CLSTN2: variants seen among roughly 807,000 people sequenced by gnomAD.
The protein encoded by CLSTN2 is calsyntenin-2.
In CLSTN2, 48 loss-of-function variants were observed where a neutral mutation model predicts 101.2. That is an observed-to-expected ratio of 0.47 (90% CI 0.38 to 0.60). The LOEUF is 0.60. Among genes scored for constraint, CLSTN2 ranks in the 20% least tolerant of loss-of-function variants. CLSTN2 has a pLI of 0.00. For missense variants in CLSTN2, 1,160 were observed against 1,238.2 expected, an observed-to-expected ratio of 0.94 and a Z score of 0.95; for synonymous variants, 481 against 463.6, an observed-to-expected ratio of 1.04 and a Z score of -0.48.
intron 9 of CLSTN2, among the ~76,000 whole-genome samples, chr3:140,537,355 T>C (rs1263021663): frequency 6.6e-6 from 1 of 152,170 alleles, no homozygotes; most frequent in Admixed American, 6.5e-5. Context: ...ACACTGAGAC[T>C]TCATTTCCAT....
At chr3:139,936,476 G>A (rs548530082) in intron 1 of CLSTN2, among the ~76,000 whole-genome samples, 1 of 152,302 alleles carries the variant, frequency 6.6e-6, no homozygotes, top group East Asian at 1.9e-4. Context: ...TTGGTTTGTG[G>A]ACTGTGGCCA....
chr3:140,274,451 A>G (rs1043126284), intron 2 of CLSTN2, among the ~76,000 whole-genome samples: 3 of 152,168 alleles, frequency 2.0e-5, no homozygotes, highest in Admixed American at 1.3e-4. Context: ...GCCCCGTTTT[A>G]TTTTGTAAAG....
intron 1 of CLSTN2, among the ~76,000 whole-genome samples, chr3:139,956,465 GAGA>G (rs1205488361): frequency 6.6e-6 from 1 of 152,146 alleles, no homozygotes; most frequent in Non-Finnish European, 1.5e-5. Context: ...TGGGTCGATG[GAGA>G]ACAGAGAAGG....
At chr3:140,560,611 G>A (rs909126819) in intron 12 of CLSTN2, among the ~76,000 whole-genome samples, 1 of 152,100 alleles carries the variant, frequency 6.6e-6, no homozygotes, top group Non-Finnish European at 1.5e-5. Flanking sequence ...ATCCATGGCC[G>A]ATTTGCCTCT....
intron 1 of CLSTN2, among the ~76,000 whole-genome samples, chr3:140,144,329 C>T (rs181724862): frequency 3.5e-3 from 535 of 152,200 alleles, no homozygotes; most frequent in Non-Finnish European, 5.5e-3. Context: ...TAAAATGGGC[C>T]GGGTGTGGTG....
chr3:140,405,481 C>A (rs1043852233), intron 4 of CLSTN2, among the ~76,000 whole-genome samples: 2 of 152,194 alleles, frequency 1.3e-5, no homozygotes, highest in African/African-American at 4.8e-5. Flanking sequence ...CCCACCTCGG[C>A]CTCCCAAAGT....
intron 1 of CLSTN2, among the ~76,000 whole-genome samples, chr3:140,004,080 G>A (rs2006906975): frequency 6.6e-6 from 1 of 152,174 alleles, no homozygotes; most frequent in South Asian, 2.1e-4. Context: ...CAGATAGAAT[G>A]AGGAAATAAT....
chr3:140,317,517 C>G (rs1370809325), intron 2 of CLSTN2, among the ~76,000 whole-genome samples: 1 of 152,110 alleles, frequency 6.6e-6, no homozygotes, highest in Admixed American at 6.6e-5. Context: ...CCACAGGACC[C>G]CAATTCCAGT....
At chr3:139,970,397 C>T (rs1560057574) in intron 1 of CLSTN2, among the ~76,000 whole-genome samples, 1 of 152,166 alleles carries the variant, frequency 6.6e-6, no homozygotes, top group Non-Finnish European at 1.5e-5. Context: ...CTCCACAGTA[C>T]TTGGCATCAT....
rs1010167410 is a variant in CLSTN2, at chr3:140,492,101, A to T, written c.1344+25370A>T. On this transcript the variant is annotated intron_variant, in intron 8 of 16. Coordinates refer to ENST00000458420, the MANE Select transcript of CLSTN2 (RefSeq NM_022131.3). ...TCATTATATGTTGGGGAAATGCAAA[A>T]TTTAAATCCACAGTGAGCTATACCA... 1.3e-4 allele frequency among the ~76,000 whole-genome samples: 20 copies of T among 152,284 alleles called. No individual in the cohort carries two copies. The South Asian group carries it at 2.5e-3, about 19-fold the overall frequency.
At chr3:140,404,854 T>A in intron 4 of CLSTN2, 88 bp downstream of exon 4, 2 of 1,143,588 alleles carry the variant, frequency 1.7e-6, no homozygotes, top group Admixed American at 3.6e-5. Flanking sequence ...CTGAATATGC[T>A]TGGCAAGTTA....
chr3:140,272,863 G>T (rs1337785429), intron 2 of CLSTN2, among the ~76,000 whole-genome samples: 1 of 151,970 alleles, frequency 6.6e-6, no homozygotes, highest in African/African-American at 2.4e-5. Context: ...TTTAAGGAAG[G>T]TTGTGATTGG....
At chr3:140,118,810 C>G (rs569588409) in intron 1 of CLSTN2, among the ~76,000 whole-genome samples, 2 of 152,100 alleles carry the variant, frequency 1.3e-5, no homozygotes, top group African/African-American at 4.8e-5. Context: ...GGCAGAAATG[C>G]GTGTTATGTC....
chr3:140,549,191 C>G (rs1264124946), intron 10 of CLSTN2, among the ~76,000 whole-genome samples: 2 of 120,958 alleles, frequency 1.7e-5, no homozygotes, highest in Non-Finnish European at 3.5e-5. Flanking sequence ...TGAACTGTTC[C>G]AGGCAGGCAC....
chr3:140,415,524 A>G (rs921009926), intron 4 of CLSTN2, among the ~76,000 whole-genome samples: 1 of 150,238 alleles, frequency 6.7e-6, no homozygotes, highest in Admixed American at 6.6e-5. Flanking sequence ...ACTGATTTTA[A>G]AATGTGCAAA....
At chr3:140,251,005 T>C (rs376320066) in intron 2 of CLSTN2, among the ~76,000 whole-genome samples, 3 of 152,222 alleles carry the variant, frequency 2.0e-5, no homozygotes, top group African/African-American at 4.8e-5. Flanking sequence ...CTGGTTTCCA[T>C]GTGGCGGATA....
At chr3:140,037,084 T>C (rs992373095) in intron 1 of CLSTN2, among the ~76,000 whole-genome samples, 4 of 152,248 alleles carry the variant, frequency 2.6e-5, no homozygotes, top group African/African-American at 9.6e-5. Context: ...TGGAATTATA[T>C]AGTACATATT....
At chr3:140,246,971 T>C (rs1165398711) in intron 2 of CLSTN2, among the ~76,000 whole-genome samples, 1 of 152,300 alleles carries the variant, frequency 6.6e-6, no homozygotes, top group African/African-American at 2.4e-5. Context: ...TGAATCAGGA[T>C]TCCTGGTGCT....
chr3:140,462,678 A>G (rs1173166935), intron 7 of CLSTN2: 1 of 152,190 alleles, frequency 6.6e-6, no homozygotes, highest in Non-Finnish European at 1.5e-5. Flanking sequence ...ACTTCCACCA[A>G]GAAAAACATC....
Sources: allele counts gnomAD v4.1 joint callset (sites outside exome capture counted in the v4.1 genomes callset), GRCh38; gene constraint gnomAD v4.1.1; transcripts MANE v1.5; gene names NCBI Gene and HGNC (gene_info 2026-07-23, HGNC 2026-07-21).